ZNF253: variants seen among roughly 807,000 people sequenced by gnomAD.
ZNF253 encodes DNA-binding protein.
In ZNF253, 8 loss-of-function variants were observed where a neutral mutation model predicts 11.9. That is an observed-to-expected ratio of 0.67 (90% confidence interval 0.40 to 1.22). The LOEUF (loss-of-function observed/expected upper bound fraction) is 1.22, where lower values mean the gene tolerates loss of function less well. Ranked by LOEUF, ZNF253 falls within the 50% of genes most tolerant of loss-of-function variation. The pLI is 0.01. For synonymous variants in ZNF253, 194 were observed against 194.9 expected (o/e 1.00, Z 0.04); for missense variants, 485 against 586.9 (o/e 0.83, Z 1.79).
rs201412667 is a variant in ZNF253 at position 19,871,798 on chromosome 19, TTTTC to T, written c.3+5807_3+5810del. On this transcript the variant is annotated intron_variant, in intron 1 of 3. Transcript: ENST00000589717. ...CAAGTTCAATTGTGTAATAAAACCATTTTCTTTCTTTTGTCTTATTGTGAAGATT... is the reference window on the plus strand; with the variant it reads ...CAAGTTCAATTGTGTAATAAAACCATTTTCTTTTGTCTTATTGTGAAGATT... 1.8e-4 allele frequency among the ~76,000 whole-genome samples: 28 copies of T among 152,284 alleles called. No individual in the cohort carries two copies. In the East Asian group the frequency reaches 4.8e-3, roughly 26 times the overall value.
chr19:19,878,012 G>A (rs139106927), intron 1 of ZNF253, among the ~76,000 whole-genome samples: 20 of 151,918 alleles, frequency 1.3e-4, no homozygotes, highest in African/African-American at 3.9e-4. Context: ...AAAAACATTC[G>A]CATTAGAGAT....
At chr19:19,871,857 AT>A (rs1436137036) in intron 1 of ZNF253, among the ~76,000 whole-genome samples, 1 of 152,088 alleles carries the variant, frequency 6.6e-6, no homozygotes, top group Non-Finnish European at 1.5e-5. Context: ...TTTTCTTTTA[AT>A]TATTGTTTCC....
chr19:19,880,273 G>GTTTTT (rs765915336), intron 3 of ZNF253, 127 bp downstream of exon 3: 24 of 204,174 alleles, frequency 1.2e-4, no homozygotes, highest in Middle Eastern at 1.3e-3. Flanking sequence ...CTGGGCAGCT[G>GTTTTT]TTTTTTTTTT....
chr19:19,883,642 C>T (rs2063187044), intron 3 of ZNF253, among the ~76,000 whole-genome samples: 1 of 152,270 alleles, frequency 6.6e-6, no homozygotes, highest in Non-Finnish European at 1.5e-5. Context: ...CTTCTAGAAA[C>T]TTTACATCTT....
chr19:19,869,194 C>G (rs1166376728), intron 1 of ZNF253, among the ~76,000 whole-genome samples: 1 of 151,994 alleles, frequency 6.6e-6, no homozygotes, highest in East Asian at 1.9e-4. Flanking sequence ...TTACAGAAAC[C>G]TGATTATCCA....
rs375912531 is a variant in ZNF253 at position 19,892,382 on chromosome 19, C to T, written c.1135C>T (p.His379Tyr). The T allele has an allele frequency of 6.2e-7, 1 of 1,612,368 alleles. No individual in the cohort carries two copies. Among genetic ancestry groups the T allele is most frequent in the African/African-American group, 1.3e-5 (1 of 74,396 alleles). The change falls in exon 4 of 4, where the codon CAT becomes TAT. Residue 379 changes from histidine (H) to tyrosine (Y), a missense_variant. Transcript: ENST00000589717. ...RCRECGKAFN[H>Y]STTLFSHEKI... The stretch of plus-strand genomic sequence containing the variant: ...TAGAGAATGTGGCAAAGCTTTTAAC[C>T]ATTCCACAACCCTTTTTTCACATGA...
At chr19:19,878,449 T>G in intron 1 of ZNF253, 32 bp from the exon 2 acceptor site, 1 of 1,612,278 alleles carries the variant, frequency 6.2e-7, no homozygotes, top group Non-Finnish European at 8.5e-7. Context: ...CTCATGCCAT[T>G]TAGTAATTAT....
intron 1 of ZNF253, among the ~76,000 whole-genome samples, chr19:19,875,318 G>A (rs573956487): frequency 1.3e-5 from 2 of 152,246 alleles, no homozygotes; most frequent in East Asian, 3.9e-4. Context: ...TGCAGATCCA[G>A]TAGTTGCTCC....
rs1166445565 is a variant in ZNF253, at chr19:19,892,471, CTCAA to C, written c.1227_1230del (p.Ile410SerfsTer29). 2 of 1,613,696 alleles carry C rather than the reference CTCAA, an allele frequency of 1.2e-6. No homozygotes were observed. Among genetic ancestry groups the C allele is most frequent in the African/African-American group, 1.3e-5 (1 of 74,816 alleles). On this transcript the variant is annotated frameshift_variant, in exon 4 of 4. Coordinates refer to ENST00000589717, the MANE Select transcript of ZNF253 (RefSeq NM_021047.3). LOFTEE classifies it low-confidence loss of function (END_TRUNC). ...AATGTGGCAAAACCTTTACCTGGCC[CTCAA>C]TCCTCTCCAAACATAAAAGAACTCA...
chr19:19,883,843 A>G (rs111814443), intron 3 of ZNF253, among the ~76,000 whole-genome samples: 11,930 of 151,858 alleles, frequency 0.079, 1,102 homozygotes, highest in African/African-American at 0.23. Flanking sequence ...ATCACCTGAG[A>G]TCGGGAGTTT....
intron 3 of ZNF253, among the ~76,000 whole-genome samples, chr19:19,887,769 AT>A (rs3062903): frequency 0.21 from 26,724 of 124,300 alleles, 2,946 homozygotes; most frequent in East Asian, 0.56. Context: ...TTGATTTTTA[AT>A]TTTTTTTTTT....
chr19:19,876,156 C>G (rs1208085225), intron 1 of ZNF253, among the ~76,000 whole-genome samples: 2 of 152,180 alleles, frequency 1.3e-5, no homozygotes, highest in African/African-American at 2.4e-5. Context: ...GCTTCTCTAA[C>G]TAATGCTAAC....
chr19:19,872,165 ACAT>A (rs2063136310), intron 1 of ZNF253, among the ~76,000 whole-genome samples: 1 of 152,158 alleles, frequency 6.6e-6, no homozygotes, highest in South Asian at 2.1e-4. Flanking sequence ...ACTGATTCAG[ACAT>A]CATGGAGCTC....
At position 19,892,212 on chromosome 19, in the gene ZNF253, A is replaced by AGC. The variant is rs772758290; in HGVS notation, c.966_967dup (p.His323ArgfsTer118). The stretch of plus-strand genomic sequence containing the variant: ...TGTGAAGAATGTGGCAAATCCTTTA[A>AGC]GCACTGCTCTAACCTTACTATACAT... On this transcript the variant is annotated frameshift_variant, in exon 4 of 4. Transcript: ENST00000589717. LOFTEE classifies it low-confidence loss of function (END_TRUNC). The AGC allele has an allele frequency of 1.2e-6, 2 of 1,613,386 alleles. No homozygotes were observed. Among genetic ancestry groups the AGC allele is most frequent in the Admixed American group, 1.7e-5 (1 of 59,928 alleles).
chr19:19,885,268 T>C lies in ZNF253; in HGVS notation c.226+5122T>C, dbSNP rs2063196367. Among the ~76,000 whole-genome samples the C allele has an allele frequency of 5.2e-5, 3 of 57,974 alleles. No homozygotes were observed. The African/African-American group carries it at 8.4e-4, about 16-fold the overall frequency. 38.0% of individuals were successfully genotyped at this position (57,974 alleles called of 152,430 possible). On this transcript the variant is annotated intron_variant, in intron 3 of 3. Coordinates refer to ENST00000589717, the MANE Select transcript of ZNF253 (RefSeq NM_021047.3). ...CTTTCTTTCTTTCTTTCTTTCTTTC[T>C]TTCTTTCTTTCTTTCTTTCTTTCTC... is the stretch of plus-strand genomic sequence containing the variant.
chr19:19,888,866 T>C (rs2063217201), intron 3 of ZNF253, among the ~76,000 whole-genome samples: 1 of 152,240 alleles, frequency 6.6e-6, no homozygotes, highest in South Asian at 2.1e-4. Context: ...AGAAACTTCT[T>C]TCAGCATCTT....
At position 19,893,998 on chromosome 19, in the gene ZNF253, A is replaced by G. The variant is rs539039167; in HGVS notation, c.*1251A>G. The G allele has an allele frequency of 6.6e-6, 1 of 152,354 alleles. No individual in the cohort carries two copies. The highest frequency in any genetic ancestry group is 2.1e-4 in the South Asian group (1 of 4,828). 9.4% of individuals were successfully genotyped at this position (152,354 alleles called of 1,614,324 possible). ...AGAAAACACCAGAGGGTTTATACCAAAATATATTTTTGCAGATGCAGTAAA... is the reference window on the plus strand; with the variant it reads ...AGAAAACACCAGAGGGTTTATACCAGAATATATTTTTGCAGATGCAGTAAA... On this transcript the variant is annotated 3_prime_UTR_variant, in exon 4 of 4. Coordinates refer to ENST00000589717, the MANE Select transcript of ZNF253 (RefSeq NM_021047.3).
At chr19:19,868,699 G>C (rs2063121158) in intron 1 of ZNF253, among the ~76,000 whole-genome samples, 1 of 152,084 alleles carries the variant, frequency 6.6e-6, no homozygotes, top group African/African-American at 2.4e-5. Flanking sequence ...GGGGGGCTAG[G>C]GGAGGGACAG....
At position 19,874,638 on chromosome 19, in the gene ZNF253, G is replaced by A. The variant is rs540612668; in HGVS notation, c.4-3843G>A. On this transcript the variant is annotated intron_variant, in intron 1 of 3. Coordinates refer to ENST00000589717, the MANE Select transcript of ZNF253 (RefSeq NM_021047.3). ...TAAAAATTACAGAAACAGGCCGGGC[G>A]CAGTGGCTCACGCCTGTAATCCCAG... 1.3e-4 allele frequency among the ~76,000 whole-genome samples: 20 copies of A among 152,236 alleles called. 1 individual carries two copies. In the East Asian group the frequency reaches 2.9e-3, roughly 22 times the overall value.
Sources: gnomAD v4.1 joint callset for allele counts (sites outside exome capture counted in the v4.1 genomes callset) on GRCh38, gnomAD v4.1.1 for gene constraint, MANE v1.5 for transcripts, NCBI Gene and HGNC (gene_info 2026-07-23, HGNC 2026-07-21) for gene names.